Variants in RYR2 observed in about 807,000 individuals in gnomAD.
RYR2 encodes the protein ryanodine receptor 2.
A neutral mutation model predicts 601.1 loss-of-function variants in RYR2; 227 were observed. That is an observed-to-expected ratio of 0.38 (90% CI 0.34 to 0.42). RYR2 has a LOEUF of 0.42. Among genes scored for constraint, RYR2 ranks in the 10% least tolerant of loss-of-function variants. The pLI, the probability that RYR2 is intolerant of heterozygous loss-of-function variation, is 1.00. For missense variants in RYR2, 4,646 were observed against 6,156.5 expected (o/e 0.75, Z 8.21); for synonymous variants, 2,223 against 2,175.1 (o/e 1.02, Z -0.61).
At chr1:237,672,121 T>C (rs531447079) in intron 58 of RYR2, among the ~76,000 whole-genome samples, 1 of 152,296 alleles carries the variant, frequency 6.6e-6, no homozygotes, top group Admixed American at 6.5e-5. Context: ...GTCACACTGC[T>C]AGTTAGAGGC....
At chr1:237,782,946 T>C in intron 89 of RYR2, among the ~76,000 whole-genome samples, 1 of 152,208 alleles carries the variant, frequency 6.6e-6, no homozygotes, top group East Asian at 1.9e-4. Flanking sequence ...ATTGACTCTG[T>C]GGACCTCTGA....
intron 79 of RYR2, among the ~76,000 whole-genome samples, chr1:237,741,508 A>T (rs1255450312): frequency 6.6e-6 from 1 of 152,220 alleles, no homozygotes; most frequent in African/African-American, 2.4e-5. Flanking sequence ...CTATTGGTTA[A>T]TGACCAATTT....
At chr1:237,659,942 T>G in intron 54 of RYR2, 43 bp from the exon 55 acceptor site, 7 of 1,341,552 alleles carry the variant, frequency 5.2e-6, no homozygotes, top group Non-Finnish European at 7.2e-6. Context: ...ATCTCTAAAA[T>G]TAACACGTGT....
intron 1 of RYR2, among the ~76,000 whole-genome samples, chr1:237,117,678 TTC>T (rs1243546863): frequency 2.4e-5 from 1 of 40,904 alleles, no homozygotes; most frequent in African/African-American, 1.1e-4. Flanking sequence ...CTTCCTTCTC[TTC>T]TCTTCTCTTC....
rs560559905 is a variant in RYR2 at position 237,265,125 on chromosome 1, A to G, written c.49-5372A>G. Reference sequence around the variant, plus strand: ...AAGAATTAATAGCCTGGTGGGTCCAATCTCAACACAGCCTTGAAAGGATGC... The same window carrying G: ...AAGAATTAATAGCCTGGTGGGTCCAGTCTCAACACAGCCTTGAAAGGATGC... On this transcript the variant is annotated intron_variant, in intron 1 of 104. Coordinates refer to ENST00000366574, the MANE Select transcript of RYR2 (RefSeq NM_001035.3). 1.1e-4 allele frequency among the ~76,000 whole-genome samples: 17 copies of G among 152,298 alleles called. No individual in the cohort carries two copies. The South Asian group carries it at 2.9e-3, about 26-fold the overall frequency.
At chr1:237,577,721 A>C (rs984452812) in intron 29 of RYR2, among the ~76,000 whole-genome samples, 2 of 152,162 alleles carry the variant, frequency 1.3e-5, no homozygotes, top group Non-Finnish European at 1.5e-5. Context: ...TAAAAGAACC[A>C]ACTAAATAAA....
At chr1:237,749,731 T>C (rs541463725) in intron 80 of RYR2, among the ~76,000 whole-genome samples, 22 of 152,336 alleles carry the variant, frequency 1.4e-4, no homozygotes, top group Middle Eastern at 6.8e-3. Flanking sequence ...GTTTCTCTAA[T>C]TGCATAAGTA....
intron 53 of RYR2, 147 bp from the exon 54 acceptor site, chr1:237,657,797 G>GA (rs940956779): frequency 2.0e-6 from 1 of 492,164 alleles, no homozygotes. Flanking sequence ...TGTGAAAATA[G>GA]AAAAATGTAA....
At chr1:237,805,602 A>C (rs1354405389) in intron 98 of RYR2, among the ~76,000 whole-genome samples, 21,012 of 137,860 alleles carry the variant, frequency 0.15, 2,466 homozygotes, top group East Asian at 0.46. Flanking sequence ...AAAAAAAAAA[A>C]AAAGTATAGT....
chr1:237,623,481 C>T (rs547126724), intron 38 of RYR2, among the ~76,000 whole-genome samples: 2 of 149,798 alleles, frequency 1.3e-5, no homozygotes, highest in South Asian at 4.2e-4. Context: ...GCAACCTCCA[C>T]CTCCCAGGTT....
At chr1:237,780,478 A>G (rs1695007808) in intron 88 of RYR2, among the ~76,000 whole-genome samples, 2 of 151,726 alleles carry the variant, frequency 1.3e-5, no homozygotes, top group African/African-American at 2.4e-5. Flanking sequence ...CCAACACTGT[A>G]TAGCTTCATA....
chr1:237,325,775 A>C (rs1696111497), intron 2 of RYR2, among the ~76,000 whole-genome samples: 1 of 152,194 alleles, frequency 6.6e-6, no homozygotes. Flanking sequence ...AGTGAGTATA[A>C]TTAAATTTGG....
intron 1 of RYR2, among the ~76,000 whole-genome samples, chr1:237,104,841 C>T (rs1668491272): frequency 6.6e-6 from 1 of 152,224 alleles, no homozygotes; most frequent in Non-Finnish European, 1.5e-5. Context: ...GTGGCAGGCC[C>T]TCTGTACCTG....
intron 2 of RYR2, among the ~76,000 whole-genome samples, chr1:237,317,963 A>G (rs1224130153): frequency 6.6e-6 from 1 of 152,152 alleles, no homozygotes; most frequent in Non-Finnish European, 1.5e-5. Flanking sequence ...TGTGTGATAT[A>G]ATTGGATTTG....
At position 237,726,212 on chromosome 1, in the gene RYR2, G is replaced by A. The variant is rs1299290121; in HGVS notation, c.10690-61G>A. On this transcript the variant is annotated intron_variant, in intron 74 of 104. Transcript: ENST00000366574. ...TTACAATCATTTTTGACTCTTTACTGCAAAGGATAATAAATGTAGTTTTAC... is the reference window on the plus strand; with the variant it reads ...TTACAATCATTTTTGACTCTTTACTACAAAGGATAATAAATGTAGTTTTAC... The A allele has an allele frequency of 5.3e-6, 6 of 1,123,868 alleles. No homozygotes were observed. The East Asian group carries it at 7.7e-5, about 14-fold the overall frequency. The allele number at this position is 1,123,868 out of a possible 1,614,324, so 69.6% of individuals were successfully genotyped here. A position where few individuals can be genotyped will look rare whatever the true frequency, so the allele number is the denominator to read the frequency against.
chr1:237,698,105 A>T (rs893759864), intron 63 of RYR2, among the ~76,000 whole-genome samples: 10 of 140,142 alleles, frequency 7.1e-5, no homozygotes, highest in African/African-American at 2.4e-4. Flanking sequence ...AGGAGATGAT[A>T]GTGTGTGTGT....
chr1:237,452,533 T>A (rs1275960138), intron 14 of RYR2, among the ~76,000 whole-genome samples: 2 of 100,284 alleles, frequency 2.0e-5, no homozygotes, highest in African/African-American at 5.7e-5. Context: ...TAAATATATA[T>A]AATATATAAC....
intron 29 of RYR2, among the ~76,000 whole-genome samples, chr1:237,577,048 T>C (rs1403945476): frequency 6.6e-6 from 1 of 152,194 alleles, no homozygotes; most frequent in Non-Finnish European, 1.5e-5. Context: ...GAAAACTGTG[T>C]GACAGGATCT....
Position 237,640,884 on chromosome 1 carries a change from A to C in RYR2, c.7116-13A>C. 1 of 1,606,086 alleles carries C rather than the reference A, an allele frequency of 6.2e-7. No individual in the cohort carries two copies. The highest frequency in any genetic ancestry group is 8.5e-7 in the Non-Finnish European group (1 of 1,174,572). On this transcript the variant is annotated splice_polypyrimidine_tract_variant and intron_variant, in intron 46 of 104. Coordinates refer to ENST00000366574, the MANE Select transcript of RYR2 (RefSeq NM_001035.3). ...CCATTTGCTTTCTCTTTCTTTTGAAACATTCATGAAAGTGACACAGAGGAG... is the reference window on the plus strand; with the variant it reads ...CCATTTGCTTTCTCTTTCTTTTGAACCATTCATGAAAGTGACACAGAGGAG...
Sources: allele counts gnomAD v4.1 joint callset (sites outside exome capture counted in the v4.1 genomes callset), GRCh38; gene constraint gnomAD v4.1.1; transcripts MANE v1.5; gene names NCBI Gene and HGNC (gene_info 2026-07-23, HGNC 2026-07-21).